The following ADAMTSL3 variants were observed in gnomAD, a reference collection of about 807,000 sequenced individuals.
ADAMTSL3 encodes the protein ADAMTS like 3, also known as ADAMTS-like protein 3.
A neutral mutation model predicts 201.7 loss-of-function variants in ADAMTSL3; 128 were observed. The observed-to-expected ratio is 0.63, with a 90% confidence interval of 0.55 to 0.73. The LOEUF (loss-of-function observed/expected upper bound fraction) is 0.73, where lower values mean the gene tolerates loss of function less well. Ranked by LOEUF, ADAMTSL3 falls within the 30% of genes least tolerant of loss-of-function variation. The pLI, the probability that ADAMTSL3 is intolerant of heterozygous loss-of-function variation, is 0.00. For missense variants in ADAMTSL3, 1,990 were observed against 2,119.6 expected, an observed-to-expected ratio of 0.94 and a Z score of 1.20; for synonymous variants, 738 against 748.4, an observed-to-expected ratio of 0.99 and a Z score of 0.23.
Position 83,654,748 on chromosome 15 carries a change from C to T in ADAMTSL3, c.-34+472C>T, listed in dbSNP as rs1204972184. ...CACTGGAGGAGCGACTTCGAGGCAG[C>T]GGGTAGTCGGAGGAGTGTGCACTCG... is the stretch of plus-strand genomic sequence containing the variant. On this transcript the variant is annotated intron_variant, in intron 1 of 29. Transcript: ENST00000286744. This position sits in a 1 kb window ranked among gnomAD's most constrained non-coding sequence, Gnocchi z 5.3. Among the ~76,000 whole-genome samples the T allele has an allele frequency of 6.6e-6, 1 of 152,048 alleles. No individual in the cohort carries two copies. Among genetic ancestry groups the T allele is most frequent in the African/African-American group, 2.4e-5 (1 of 41,414 alleles).
At chr15:83,777,124 G>A (rs1024031109) in intron 4 of ADAMTSL3, among the ~76,000 whole-genome samples, 30 of 152,098 alleles carry the variant, frequency 2.0e-4, no homozygotes, top group African/African-American at 6.3e-4. Context: ...CCAGTGCCCC[G>A]CCCCTGAGCC....
intron 28 of ADAMTSL3, among the ~76,000 whole-genome samples, chr15:84,035,090 GC>G (rs1420637786): frequency 6.6e-6 from 1 of 152,086 alleles, no homozygotes; most frequent in Non-Finnish European, 1.5e-5. Context: ...CAGCCTCTTA[GC>G]TTTCCTGGGC....
intron 2 of ADAMTSL3, among the ~76,000 whole-genome samples, chr15:83,675,079 T>C (rs899606856): frequency 4.6e-5 from 7 of 152,038 alleles, no homozygotes; most frequent in Non-Finnish European, 8.8e-5. Context: ...AATTGATTTT[T>C]GTGTATTGAT....
chr15:83,868,790 G>GT (rs1359716544), intron 8 of ADAMTSL3, among the ~76,000 whole-genome samples: 1 of 152,156 alleles, frequency 6.6e-6, no homozygotes, highest in Non-Finnish European at 1.5e-5. Flanking sequence ...TGCTACTTGT[G>GT]TTTTTATATC....
chr15:83,771,808 A>G (rs1264470738), intron 3 of ADAMTSL3, among the ~76,000 whole-genome samples: 1 of 152,156 alleles, frequency 6.6e-6, no homozygotes, highest in African/African-American at 2.4e-5. Context: ...TTGCTGGATC[A>G]TATAGTAATT....
intron 9 of ADAMTSL3, among the ~76,000 whole-genome samples, chr15:83,874,710 G>A (rs1291558928): frequency 1.4e-5 from 2 of 143,976 alleles, no homozygotes; most frequent in South Asian, 2.2e-4. Context: ...CCACACCACC[G>A]AGAACGTGCA....
chr15:83,913,571 G>A (rs1290526454), intron 16 of ADAMTSL3, among the ~76,000 whole-genome samples, 193 bp downstream of exon 16: 2 of 151,656 alleles, frequency 1.3e-5, no homozygotes, highest in East Asian at 3.9e-4. Context: ...AGAAAGGAGA[G>A]TGGGACTATA....
chr15:83,858,740 T>G lies in ADAMTSL3; in HGVS notation c.728-26T>G, dbSNP rs377263020. On this transcript the variant is annotated intron_variant, in intron 7 of 29. Transcript: ENST00000286744. ...TGGGCCTTTAGTGTACTGGTTTTATTGCAGTTGCGTTCTGTTCTTTCCCAG... is the reference window on the plus strand; with the variant it reads ...TGGGCCTTTAGTGTACTGGTTTTATGGCAGTTGCGTTCTGTTCTTTCCCAG... The G allele has an allele frequency of 1.2e-4, 196 of 1,590,702 alleles. No homozygotes were observed. In the African/African-American group the frequency reaches 2.3e-3, roughly 19 times the overall value.
At chr15:83,862,941 G>T (rs1250800695) in intron 8 of ADAMTSL3, 1 of 151,606 alleles carries the variant, frequency 6.6e-6, no homozygotes, top group Non-Finnish European at 1.5e-5. Context: ...CAAGCAAATG[G>T]AGAACAAAAA....
At chr15:83,815,563 C>A (rs780896306) in intron 5 of ADAMTSL3, among the ~76,000 whole-genome samples, 1 of 152,170 alleles carries the variant, frequency 6.6e-6, no homozygotes, top group Non-Finnish European at 1.5e-5. Context: ...CCCTAAATGT[C>A]AAATAGACTG....
At chr15:83,843,251 TAAA>T (rs5814163) in intron 7 of ADAMTSL3, among the ~76,000 whole-genome samples, 44,958 of 151,492 alleles carry the variant, frequency 0.3, 7,556 homozygotes, top group East Asian at 0.52. Flanking sequence ...TCCTTTTTTT[TAAA>T]AAAAATCAAT....
At chr15:83,727,017 G>A (rs894451095) in intron 3 of ADAMTSL3, among the ~76,000 whole-genome samples, 1 of 151,890 alleles carries the variant, frequency 6.6e-6, no homozygotes, top group Admixed American at 6.6e-5. Context: ...GAAGCCATTG[G>A]GTCTTGGGCT....
intron 9 of ADAMTSL3, among the ~76,000 whole-genome samples, chr15:83,882,869 T>A (rs2065302733): frequency 6.6e-6 from 1 of 152,134 alleles, no homozygotes; most frequent in African/African-American, 2.4e-5. Context: ...CTTTTTGTTT[T>A]ATTTTTTAAA....
chr15:83,964,014 G>T (rs915082596), intron 19 of ADAMTSL3, among the ~76,000 whole-genome samples: 1 of 152,054 alleles, frequency 6.6e-6, no homozygotes, highest in African/African-American at 2.4e-5. Flanking sequence ...CCACTTGAAG[G>T]TCATCAAAAG....
intron 4 of ADAMTSL3, among the ~76,000 whole-genome samples, chr15:83,787,949 T>G (rs1031276926): frequency 5.3e-5 from 8 of 152,180 alleles, no homozygotes; most frequent in African/African-American, 1.9e-4. Flanking sequence ...GGCATATTAT[T>G]ATTAATGCCT....
chr15:83,818,207 T>A (rs571579912), intron 5 of ADAMTSL3, among the ~76,000 whole-genome samples: 1 of 152,336 alleles, frequency 6.6e-6, no homozygotes, highest in Non-Finnish European at 1.5e-5. Context: ...AAGATTTAGA[T>A]ACAAAGATCT....
intron 17 of ADAMTSL3, among the ~76,000 whole-genome samples, chr15:83,935,931 T>C (rs533654104): frequency 6.6e-4 from 101 of 152,166 alleles, no homozygotes; most frequent in African/African-American, 2.4e-3. Context: ...TTTACTAATA[T>C]TATGTTAAGT....
chr15:83,707,891 C>T (rs2061875268), intron 3 of ADAMTSL3, among the ~76,000 whole-genome samples: 1 of 152,228 alleles, frequency 6.6e-6, no homozygotes, highest in African/African-American at 2.4e-5. Context: ...ATTACTCTTG[C>T]ACAGAAATTC....
intron 8 of ADAMTSL3, among the ~76,000 whole-genome samples, chr15:83,863,497 C>T (rs1381011284): frequency 2.6e-5 from 4 of 152,178 alleles, no homozygotes; most frequent in African/African-American, 9.7e-5. Context: ...AACTGAACAA[C>T]CTGCTCCTGA....
Sources: gnomAD v4.1 joint callset for allele counts (sites outside exome capture counted in the v4.1 genomes callset) on GRCh38, gnomAD v4.1.1 for gene constraint, Gnocchi (gnomAD v3.1) non-coding constraint, MANE v1.5 for transcripts, NCBI Gene and HGNC (gene_info 2026-07-23, HGNC 2026-07-21) for gene names.